The following ASPRV1 variants were observed in gnomAD, a reference collection of about 807,000 sequenced individuals.
ASPRV1 encodes the protein aspartic peptidase retroviral like 1, also known as retroviral-like aspartic protease 1.
A neutral mutation model predicts 11.0 loss-of-function variants in ASPRV1; 7 were observed. The ratio of observed to expected loss-of-function variants is 0.64; its 90% CI spans 0.36 to 1.20. The LOEUF is 1.20. Ranked by LOEUF, ASPRV1 falls within the 50% of genes most tolerant of loss-of-function variation. ASPRV1 has a pLI of 0.02. For missense variants in ASPRV1, 299 were observed against 320.0 expected (o/e 0.93, Z 0.50); for synonymous variants, 136 against 138.4 (o/e 0.98, Z 0.12).
the ASPRV1 span, among the ~76,000 whole-genome samples, chr2:69,974,181 T>C: frequency 6.6e-6 from 1 of 151,916 alleles, no homozygotes; most frequent in Non-Finnish European, 1.5e-5. Context: ...CTAATAACAA[T>C]ACAAAATTAG....
upstream of ASPRV1, among the ~76,000 whole-genome samples, chr2:69,965,359 C>A (rs574753949): frequency 6.6e-6 from 1 of 152,178 alleles, no homozygotes; most frequent in South Asian, 2.1e-4. Flanking sequence ...GACCAGGGGT[C>A]CAATTATTTG....
At chr2:70,035,839 C>T in the ASPRV1 span, among the ~76,000 whole-genome samples, 66 of 151,378 alleles carry the variant, frequency 4.4e-4, no homozygotes, top group African/African-American at 1.6e-3. Context: ...CATGGAATTC[C>T]AAAAATAAAC....
At chr2:69,957,587 T>G (rs528251672), downstream of ASPRV1, among the ~76,000 whole-genome samples, 2 of 151,890 alleles carry the variant, frequency 1.3e-5, no homozygotes, top group South Asian at 4.2e-4. Context: ...CAAACTCTTA[T>G]GTCCCCTAGA....
At chr2:70,064,283 C>T in the ASPRV1 span, among the ~76,000 whole-genome samples, 2 of 152,184 alleles carry the variant, frequency 1.3e-5, no homozygotes, top group Non-Finnish European at 2.9e-5. Context: ...ACCTCAGGTG[C>T]TGCCCCCAAT....
chr2:69,954,605 G>A, the ASPRV1 span, among the ~76,000 whole-genome samples: 1 of 152,186 alleles, frequency 6.6e-6, no homozygotes, highest in Non-Finnish European at 1.5e-5. Context: ...TTCTCCTCCT[G>A]TCTCTGTTAG....
chr2:69,962,288 C>A (rs1343602855), upstream of ASPRV1: 3 of 166,420 alleles, frequency 1.8e-5, no homozygotes, highest in South Asian at 2.1e-4. Context: ...TCATTGATCA[C>A]CCCTGATTCA....
chr2:69,977,176 AAAAAAT>A, the ASPRV1 span, among the ~76,000 whole-genome samples: 9 of 152,012 alleles, frequency 5.9e-5, no homozygotes, highest in African/African-American at 2.2e-4. Flanking sequence ...ACTCTGTAAA[AAAAAAT>A]AAAAAATAAA....
At chr2:69,991,363 A>G in the ASPRV1 span, among the ~76,000 whole-genome samples, 1 of 152,122 alleles carries the variant, frequency 6.6e-6, no homozygotes, top group African/African-American at 2.4e-5. Flanking sequence ...CTCCTCCACT[A>G]TGTATTTGAA....
chr2:70,033,276 AACACACACACACAC>A, the ASPRV1 span, among the ~76,000 whole-genome samples: 817 of 141,608 alleles, frequency 5.8e-3, 8 homozygotes, highest in Middle Eastern at 0.021. Flanking sequence ...TCAAACAGAA[AACACACACACACAC>A]ACACACACAC....
At chr2:70,042,950 T>C in the ASPRV1 span, among the ~76,000 whole-genome samples, 6 of 152,130 alleles carry the variant, frequency 3.9e-5, no homozygotes, top group Non-Finnish European at 8.8e-5. Flanking sequence ...GACAGTGAAA[T>C]TGAACCTCAG....
the ASPRV1 span, among the ~76,000 whole-genome samples, chr2:69,971,899 G>A: frequency 1.3e-5 from 2 of 152,142 alleles, no homozygotes; most frequent in Non-Finnish European, 2.9e-5. Context: ...TGCAAGCTGT[G>A]GACAAATGAC....
At chr2:70,069,052 G>C in the ASPRV1 span, 1 of 150,454 alleles carries the variant, frequency 6.6e-6, no homozygotes, top group Admixed American at 6.7e-5. Context: ...ACTTTCTATA[G>C]ATGAAAGACA....
At chr2:70,062,719 G>C in the ASPRV1 span, among the ~76,000 whole-genome samples, 119 of 152,278 alleles carry the variant, frequency 7.8e-4, no homozygotes, top group African/African-American at 2.8e-3. Context: ...TTGAGCTCAA[G>C]TTCAGTGCTG....
the ASPRV1 span, among the ~76,000 whole-genome samples, chr2:70,040,103 CAGAAGAG>C: frequency 1.3e-5 from 2 of 152,078 alleles, no homozygotes; most frequent in African/African-American, 4.8e-5. Context: ...GTAAGAAACT[CAGAAGAG>C]AGAAAAATCT....
At chr2:70,036,293 G>A in the ASPRV1 span, among the ~76,000 whole-genome samples, 1 of 152,054 alleles carries the variant, frequency 6.6e-6, no homozygotes, top group African/African-American at 2.4e-5. Context: ...TGAGCAGATA[G>A]TGGTGATAAA....
chr2:70,028,881 G>A, the ASPRV1 span, among the ~76,000 whole-genome samples: 9,389 of 152,112 alleles, frequency 0.062, 1,005 homozygotes, highest in African/African-American at 0.21. Flanking sequence ...GGCGGAGGGT[G>A]CAGTGAGCTG....
chr2:69,937,525 A>G, the ASPRV1 span: 1 of 860,168 alleles, frequency 1.2e-6, no homozygotes. Context: ...GAAGTCGAAC[A>G]GTGTGACCTC....
the ASPRV1 span, chr2:69,937,343 A>G: frequency 4.3e-6 from 7 of 1,613,944 alleles, no homozygotes; most frequent in Non-Finnish European, 3.4e-6. Context: ...GAGGATCCGG[A>G]TGGACAGCAT....
At chr2:70,002,555 T>A in the ASPRV1 span, among the ~76,000 whole-genome samples, 1 of 152,216 alleles carries the variant, frequency 6.6e-6, no homozygotes, top group South Asian at 2.1e-4. Context: ...TCTATGAAGA[T>A]GCCTATTGTC....
Sources: allele counts gnomAD v4.1 joint callset (sites outside exome capture counted in the v4.1 genomes callset), GRCh38; gene constraint gnomAD v4.1.1; transcripts MANE v1.5; gene names NCBI Gene and HGNC (gene_info 2026-07-23, HGNC 2026-07-21).